Variants in VPS13C observed in about 807,000 individuals in gnomAD.
VPS13C encodes intermembrane lipid transfer protein VPS13C.
Under a neutral mutation model 456.8 loss-of-function variants are expected in VPS13C, and 358 were observed. The ratio of observed to expected loss-of-function variants is 0.78; its 90% CI spans 0.72 to 0.86. VPS13C has a LOEUF of 0.86. Among genes scored for constraint, VPS13C ranks in the 40% least tolerant of loss-of-function variants. VPS13C has a pLI of 0.00. For missense variants in VPS13C, 4,818 were observed against 4,385.4 expected (o/e 1.10, Z -2.79); for synonymous variants, 1,578 against 1,486.7 (o/e 1.06, Z -1.41).
chr15:61,991,351 T>C (rs2046219005), intron 17 of VPS13C, among the ~76,000 whole-genome samples: 2 of 152,190 alleles, frequency 1.3e-5, no homozygotes, highest in South Asian at 4.1e-4. Context: ...CTAAGTATTT[T>C]AAAACTTAAG....
At chr15:61,899,446 C>T (rs140158838) in intron 66 of VPS13C, among the ~76,000 whole-genome samples, 103 of 152,208 alleles carry the variant, frequency 6.8e-4, no homozygotes, top group African/African-American at 2.5e-3. Flanking sequence ...CACACAAATA[C>T]AAACTACCTC....
rs112342799 is a variant in VPS13C, at chr15:61,980,637, TA to T, written c.2166+704del. Among the ~76,000 whole-genome samples the T allele has an allele frequency of 6.4e-3, 925 of 145,520 alleles. 8 individuals are homozygous for T. Among genetic ancestry groups the T allele is most frequent in the East Asian group, 0.022 (110 of 5,046 alleles). ...CTAACTTTTTTTGGTTTCCTAATCT[TA>T]AAAAAAAAAAAATCTATAAACAGTA... On this transcript the variant is annotated intron_variant, in intron 22 of 84. Transcript: ENST00000644861.
At chr15:61,904,777 C>T (rs1255352714) in intron 66 of VPS13C, among the ~76,000 whole-genome samples, 3 of 151,954 alleles carry the variant, frequency 2.0e-5, no homozygotes, top group African/African-American at 4.8e-5. Flanking sequence ...GCTATATATA[C>T]AGAATGTAAT....
intron 15 of VPS13C, among the ~76,000 whole-genome samples, chr15:62,001,915 T>C (rs2046634666): frequency 6.6e-6 from 1 of 152,214 alleles, no homozygotes; most frequent in Non-Finnish European, 1.5e-5. Context: ...ATCTAGTCTA[T>C]CATTGTTGGA....
chr15:61,946,279 C>T, intron 44 of VPS13C, 28 bp downstream of exon 44: 2 of 1,513,882 alleles, frequency 1.3e-6, no homozygotes, highest in Non-Finnish European at 1.8e-6. Flanking sequence ...AAAATAAATT[C>T]CAATATAAAA....
intron 18 of VPS13C, among the ~76,000 whole-genome samples, chr15:61,986,939 T>G (rs542213510): frequency 2.6e-5 from 4 of 151,814 alleles, no homozygotes; most frequent in Non-Finnish European, 4.4e-5. Context: ...CAAAAAAAAT[T>G]TAAAAACTCA....
intron 9 of VPS13C, 73 bp from the exon 10 acceptor site, chr15:62,014,065 G>A (rs755556455): frequency 6.1e-4 from 653 of 1,066,914 alleles, no homozygotes; most frequent in Non-Finnish European, 8.3e-4. Flanking sequence ...CTTACATAAT[G>A]TAACAAAATA....
In VPS13C at chr15:61,863,410, A is replaced by C. The variant is rs770804189; in HGVS notation, c.10952+30T>G. 9.6e-6 allele frequency: 15 copies of C among 1,561,846 alleles called. No individual in the cohort carries two copies. The East Asian group carries it at 3.0e-4, about 31-fold the overall frequency. The stretch of plus-strand genomic sequence containing the variant: ...CTTGTGACCTATGCAACTAAGTACT[A>C]TTTGGAAAAATGTCACTTCAAGTCA... On this transcript the variant is annotated intron_variant, in intron 82 of 84. Transcript: ENST00000644861.
At chr15:61,946,286 A>G in intron 44 of VPS13C, 21 bp downstream of exon 44, 6 of 1,541,046 alleles carry the variant, frequency 3.9e-6, no homozygotes, top group Non-Finnish European at 4.4e-6. Context: ...ATTCCAATAT[A>G]AAAATCTATT....
At position 61,917,594 on chromosome 15, in the gene VPS13C, T is replaced by A; in HGVS notation, c.7802A>T (p.Gln2601Leu). The A allele has an allele frequency of 1.2e-6, 2 of 1,613,422 alleles. No individual in the cohort carries two copies. The highest frequency in any genetic ancestry group is 1.3e-5 in the African/African-American group (1 of 75,042). ...AATATAAGTGGTAGATTCTTTGTAC[T>A]GATGCTCTAAGATTCCAGCTGGCTG... ...FIQPAGILEHQYKESTTYISW... is the reference protein window; with the variant it reads ...FIQPAGILEHLYKESTTYISW... Residue 2601 changes from glutamine (Q) to leucine (L), a missense_variant, in exon 60 of 85, where the codon CAG (glutamine) becomes CTG (leucine). Coordinates refer to ENST00000644861, the MANE Select transcript of VPS13C (RefSeq NM_020821.3).
At position 61,890,219 on chromosome 15, in the gene VPS13C, A is replaced by T; in HGVS notation, c.9287T>A (p.Leu3096His). ...CTTGCTTTCATTGTTAACCAGTGAA[A>T]GCCCAAGACTGTGGAGAGACAAGGT... ...EITLSLHSLG[L>H]SLVNNESKQE... is the part of the protein sequence containing the mutation. The change falls in exon 67 of 85, where the codon CTT becomes CAT. Residue 3096 changes from leucine to histidine, a missense_variant. By Grantham distance (99) the Leu-to-His change is moderately conservative. Transcript: ENST00000644861. 1 of 1,614,100 alleles carries T rather than the reference A, an allele frequency of 6.2e-7. No homozygotes were observed. Among genetic ancestry groups the T allele is most frequent in the Non-Finnish European group, 8.5e-7 (1 of 1,180,016 alleles).
chr15:61,973,736 C>T (rs1240226354), intron 25 of VPS13C, among the ~76,000 whole-genome samples: 1 of 152,126 alleles, frequency 6.6e-6, no homozygotes, highest in Non-Finnish European at 1.5e-5. Context: ...ATTATTAAGT[C>T]TACCACCCAC....
chr15:61,921,585 T>A (rs2043657293), intron 55 of VPS13C, among the ~76,000 whole-genome samples: 1 of 152,008 alleles, frequency 6.6e-6, no homozygotes, highest in South Asian at 2.1e-4. Context: ...AAAATAAAAA[T>A]TACATGCTAA....
chr15:61,886,653 T>C (rs1896295217), intron 67 of VPS13C, among the ~76,000 whole-genome samples: 1 of 152,130 alleles, frequency 6.6e-6, no homozygotes, highest in Non-Finnish European at 1.5e-5. Context: ...ATACAGTTTG[T>C]ACAAAAACAG....
In VPS13C at chr15:61,856,524, C is replaced by G. The variant is rs1301530966; in HGVS notation, c.10953-115G>C. Reference sequence around the variant, plus strand: ...GCACTTGCTTAGTAAACAATATAAACTGGCACTAAAAAAAAAACCTGCTTC... The same window carrying G: ...GCACTTGCTTAGTAAACAATATAAAGTGGCACTAAAAAAAAAACCTGCTTC... On this transcript the variant is annotated intron_variant, in intron 82 of 84. Coordinates refer to ENST00000644861, the MANE Select transcript of VPS13C (RefSeq NM_020821.3). 6 of 1,234,214 alleles carry G rather than the reference C, an allele frequency of 4.9e-6. No homozygotes were observed. The South Asian group carries it at 7.4e-5, about 15-fold the overall frequency. 76.5% of individuals were successfully genotyped at this position (1,234,214 alleles called of 1,614,324 possible).
intron 82 of VPS13C, among the ~76,000 whole-genome samples, chr15:61,861,258 C>T (rs1894213004): frequency 6.6e-6 from 1 of 152,032 alleles, no homozygotes; most frequent in Admixed American, 6.6e-5. Flanking sequence ...GCCACCACAC[C>T]CAGCCTATTT....
At chr15:62,000,517 G>C in intron 16 of VPS13C, 47 bp downstream of exon 16, 1 of 1,527,554 alleles carries the variant, frequency 6.5e-7, no homozygotes. Flanking sequence ...TTTAAAAGCG[G>C]GCATTAACAT....
At chr15:61,946,439 T>C in intron 43 of VPS13C, 29 bp from the exon 44 acceptor site, 2 of 1,539,616 alleles carry the variant, frequency 1.3e-6, no homozygotes, top group Middle Eastern at 1.7e-4. Flanking sequence ...TTATAAACTT[T>C]TCACCCAATC....
chr15:62,045,995 A>T (rs1307718847), intron 1 of VPS13C, among the ~76,000 whole-genome samples: 1 of 152,210 alleles, frequency 6.6e-6, no homozygotes, highest in African/African-American at 2.4e-5. Context: ...AGAAAAAAAT[A>T]AAAAACTGTA....
Sources: allele counts gnomAD v4.1 joint callset (sites outside exome capture counted in the v4.1 genomes callset), GRCh38; gene constraint gnomAD v4.1.1; transcripts MANE v1.5; gene names NCBI Gene and HGNC (gene_info 2026-07-23, HGNC 2026-07-21).